The following JPT1 variants were observed in gnomAD, a reference collection of about 807,000 sequenced individuals.
The protein encoded by JPT1 is androgen-regulated protein 2.
JPT1 carries 5 observed loss-of-function variants against 17.0 expected under a neutral mutation model. That is an observed-to-expected ratio of 0.29 (90% confidence interval 0.15 to 0.62). The LOEUF (loss-of-function observed/expected upper bound fraction) is 0.62. Ranked by LOEUF, JPT1 falls within the 20% of genes least tolerant of loss-of-function variation. JPT1 has a pLI of 0.85. For synonymous variants in JPT1, 71 were observed against 73.6 expected (o/e 0.96, Z 0.18); for missense variants, 158 against 188.1 (o/e 0.84, Z 0.94).
At chr17:75,142,827 G>C (rs567690320) in intron 4 of JPT1, 1 of 454,610 alleles carries the variant, frequency 2.2e-6, no homozygotes, top group Admixed American at 2.4e-5. Context: ...ATACATCTTC[G>C]GTCCAATGCA....
intron 1 of JPT1, among the ~76,000 whole-genome samples, chr17:75,151,073 C>G (rs2145196063): frequency 6.6e-6 from 1 of 151,388 alleles, no homozygotes; most frequent in African/African-American, 2.4e-5. Flanking sequence ...AGGATGGTCT[C>G]CATCTCCTGA....
chr17:75,148,965 A>C, intron 1 of JPT1: 1 of 1,254,292 alleles, frequency 8.0e-7, no homozygotes, highest in Non-Finnish European at 1.0e-6. Context: ...TCCCCTTTTC[A>C]GAAATGGCAA....
In JPT1 at chr17:75,154,477, AC is replaced by A; in HGVS notation, c.-81del. On this transcript the variant is annotated 5_prime_UTR_variant, in exon 1 of 5. Transcript: ENST00000409753. ...CCCGAGGGGCGCTGGGAAACTCCAC[AC>A]CCAACAGCCGACCACCGCTGCAGGA... 1 of 1,340,414 alleles carries A rather than the reference AC, an allele frequency of 7.5e-7. No homozygotes were observed. The highest frequency in any genetic ancestry group is 1.0e-6 in the Non-Finnish European group (1 of 980,292). The allele number at this position is 1,340,414 out of a possible 1,614,324, so 83.0% of individuals were successfully genotyped here.
intron 1 of JPT1, 33 bp from the exon 2 acceptor site, chr17:75,148,704 C>G (rs866173560): frequency 1.2e-6 from 2 of 1,605,478 alleles, no homozygotes; most frequent in African/African-American, 1.3e-5. Context: ...AACTTCAGAT[C>G]ATACTGAAAC....
intron 4 of JPT1, among the ~76,000 whole-genome samples, chr17:75,144,736 T>C (rs984257005): frequency 2.0e-5 from 3 of 151,978 alleles, no homozygotes; most frequent in African/African-American, 7.3e-5. Flanking sequence ...ACCTGCTGAA[T>C]CTGAGGTTAT....
At chr17:75,144,337 C>T (rs944112651) in intron 4 of JPT1, among the ~76,000 whole-genome samples, 3 of 151,736 alleles carry the variant, frequency 2.0e-5, no homozygotes, top group Non-Finnish European at 2.9e-5. Flanking sequence ...ATAGTGAGAC[C>T]ACATCTCTAC....
chr17:75,137,721 G>C (rs2074232961), intron 4 of JPT1, among the ~76,000 whole-genome samples: 1 of 134,150 alleles, frequency 7.5e-6, no homozygotes, highest in African/African-American at 2.9e-5. Flanking sequence ...TTGAGACAGG[G>C]TCTTTAACCT....
chr17:75,137,504 GCAC>G (rs1010124151), intron 4 of JPT1, among the ~76,000 whole-genome samples: 1 of 150,104 alleles, frequency 6.7e-6, no homozygotes, highest in African/African-American at 2.5e-5. Flanking sequence ...CTACAGGCGC[GCAC>G]CACCACAACT....
intron 1 of JPT1, among the ~76,000 whole-genome samples, chr17:75,150,560 G>C (rs2074529362): frequency 6.6e-6 from 1 of 151,476 alleles, no homozygotes; most frequent in South Asian, 2.1e-4. Flanking sequence ...CCTAATTGTT[G>C]TATTTTTAGT....
chr17:75,146,069 C>T (rs1434216655), intron 4 of JPT1, among the ~76,000 whole-genome samples: 6 of 151,930 alleles, frequency 3.9e-5, no homozygotes, highest in Non-Finnish European at 7.4e-5. Flanking sequence ...CAGAGAGACA[C>T]CTGGTCTCAA....
In JPT1 at chr17:75,154,360, T is replaced by C; in HGVS notation, c.38A>G (p.Asn13Ser). 6.5e-7 allele frequency: 1 copy of C among 1,548,506 alleles called. No homozygotes were observed. Among genetic ancestry groups the C allele is most frequent in the East Asian group, 2.5e-5 (1 of 40,606 alleles). Residue 13 changes from asparagine (N) to serine (S), a missense_variant, in exon 1 of 5, where the codon AAC (asparagine) becomes AGC (serine). Transcript: ENST00000409753. ...TTTTFKGVDP[N>S]SRNSSRVLRP... ...GCCTCACCGGGAGCTATTCCTGCTG[T>C]TGGGGTCGACTCCCTTGAAGGTGGT...
chr17:75,139,708 C>T (rs2074272502), intron 4 of JPT1, among the ~76,000 whole-genome samples: 1 of 151,964 alleles, frequency 6.6e-6, no homozygotes, highest in South Asian at 2.1e-4. Context: ...TTCACAGATA[C>T]TCGGGAGGCT....
chr17:75,153,385 C>T (rs907644989), intron 1 of JPT1: 2 of 152,180 alleles, frequency 1.3e-5, no homozygotes, highest in South Asian at 2.1e-4. Flanking sequence ...AGAAAAATCC[C>T]CCGCTTCCCA....
chr17:75,145,059 G>A (rs1598199884), intron 4 of JPT1, among the ~76,000 whole-genome samples: 1 of 150,380 alleles, frequency 6.6e-6, no homozygotes, highest in South Asian at 2.1e-4. Flanking sequence ...AGCTATTCAG[G>A]AGGCTGAGCC....
In JPT1 at chr17:75,154,430, G is replaced by T; in HGVS notation, c.-33C>A. On this transcript the variant is annotated 5_prime_UTR_variant, in exon 1 of 5. Transcript: ENST00000409753. The stretch of plus-strand genomic sequence containing the variant: ...AGGAGCGAGGTAGGCTGGCGCCGGA[G>T]CAGAACGCTCAAAGGGTCGGACCCG... The T allele has an allele frequency of 1.3e-6, 2 of 1,544,922 alleles. No individual in the cohort carries two copies. Among genetic ancestry groups the T allele is most frequent in the South Asian group, 1.2e-5 (1 of 83,826 alleles).
intron 4 of JPT1, among the ~76,000 whole-genome samples, chr17:75,137,003 T>C (rs577370397): frequency 3.3e-5 from 5 of 152,344 alleles, no homozygotes; most frequent in Admixed American, 3.3e-4. Context: ...ACTTCTTTTT[T>C]TCACTCTTGG....
At chr17:75,136,386 C>T (rs1345785511) in intron 4 of JPT1, 136 bp from the exon 5 acceptor site, 9 of 734,670 alleles carry the variant, frequency 1.2e-5, no homozygotes, top group Admixed American at 9.6e-5. Flanking sequence ...AAAATAATCA[C>T]CCACCATGCT....
At chr17:75,151,647 G>A (rs1460276959) in intron 1 of JPT1, among the ~76,000 whole-genome samples, 1 of 151,840 alleles carries the variant, frequency 6.6e-6, no homozygotes, top group African/African-American at 2.4e-5. Flanking sequence ...TGGCAACACA[G>A]TGAGACTGTC....
In JPT1 at chr17:75,137,532, T is replaced by G. The variant is rs569243969; in HGVS notation, c.317-1282A>C. 6.0e-5 allele frequency among the ~76,000 whole-genome samples: 9 copies of G among 151,206 alleles called. No homozygotes were observed. In the South Asian group the frequency reaches 6.3e-4, roughly 11 times the overall value. The stretch of plus-strand genomic sequence containing the variant: ...CCACCACAACTGGCTATTTTTGTTT[T>G]TTTTTTTTTTTTATTTTTAAAAGAT... On this transcript the variant is annotated intron_variant, in intron 4 of 4. Coordinates refer to ENST00000409753, the MANE Select transcript of JPT1 (RefSeq NM_016185.4).
Sources: allele counts gnomAD v4.1 joint callset (sites outside exome capture counted in the v4.1 genomes callset), GRCh38; gene constraint gnomAD v4.1.1; transcripts MANE v1.5; gene names NCBI Gene and HGNC (gene_info 2026-07-23, HGNC 2026-07-21).